FGGY: variants seen among roughly 807,000 people sequenced by gnomAD.
FGGY encodes FGGY carbohydrate kinase domain-containing protein.
A neutral mutation model predicts 71.3 loss-of-function variants in FGGY; 72 were observed. That is an observed-to-expected ratio of 1.01 (90% CI 0.84 to 1.23). The LOEUF is 1.23. FGGY is among the 50% of genes most tolerant of loss of function. The pLI is 0.00. For synonymous variants in FGGY, 251 were observed against 250.3 expected (o/e 1.00, Z -0.02); for missense variants, 668 against 682.3 (o/e 0.98, Z 0.23).
At chr1:59,461,896 T>C (rs2092260867) in intron 6 of FGGY, among the ~76,000 whole-genome samples, 1 of 152,112 alleles carries the variant, frequency 6.6e-6, no homozygotes, top group African/African-American at 2.4e-5. Flanking sequence ...TACATATGTA[T>C]ACATGTGCCA....
chr1:59,582,074 C>A (rs1478998678), intron 8 of FGGY, among the ~76,000 whole-genome samples: 1 of 149,408 alleles, frequency 6.7e-6, no homozygotes, highest in Non-Finnish European at 1.5e-5. Context: ...CATAGTGAGA[C>A]CCTTCTCTCT....
chr1:59,636,325 T>TAA (rs1283428047), intron 10 of FGGY, among the ~76,000 whole-genome samples: 1 of 152,112 alleles, frequency 6.6e-6, no homozygotes, highest in Non-Finnish European at 1.5e-5. Flanking sequence ...TTTTGTTTAA[T>TAA]AAAGGAGTTC....
intron 5 of FGGY, among the ~76,000 whole-genome samples, chr1:59,433,791 G>C (rs534777214): frequency 5.3e-5 from 8 of 152,254 alleles, no homozygotes; most frequent in Non-Finnish European, 1.2e-4. Flanking sequence ...AGCCAGTGTA[G>C]GTTACGTTAC....
intron 11 of FGGY, among the ~76,000 whole-genome samples, chr1:59,649,915 A>T (rs1337360126): frequency 7.0e-6 from 1 of 143,230 alleles, no homozygotes; most frequent in Non-Finnish European, 1.5e-5. Flanking sequence ...ATTATTTTGA[A>T]ATACGTCCCA....
chr1:59,682,085 A>T (rs1034098881), intron 14 of FGGY, among the ~76,000 whole-genome samples: 25 of 152,214 alleles, frequency 1.6e-4, no homozygotes, highest in African/African-American at 6.0e-4. Context: ...AAGTTACACC[A>T]TATGAAAAAT....
chr1:59,448,082 GT>G (rs796145771), intron 5 of FGGY, among the ~76,000 whole-genome samples: 55 of 152,136 alleles, frequency 3.6e-4, no homozygotes, highest in African/African-American at 1.3e-3. Flanking sequence ...TTGCTTCTGG[GT>G]TTTTCCTGCT....
At chr1:59,641,242 T>C in intron 11 of FGGY, 1 of 1,547,022 alleles carries the variant, frequency 6.5e-7, no homozygotes, top group South Asian at 1.2e-5. Flanking sequence ...GCATTTTATC[T>C]TAATAATAAA....
At chr1:59,718,147 TA>T (rs1266066326) in intron 14 of FGGY, among the ~76,000 whole-genome samples, 2 of 152,158 alleles carry the variant, frequency 1.3e-5, no homozygotes, top group Non-Finnish European at 2.9e-5. Context: ...TCCAAGACCA[TA>T]AGGGATTTGA....
At chr1:59,607,054 T>C (rs562539503) in intron 8 of FGGY, among the ~76,000 whole-genome samples, 2 of 152,332 alleles carry the variant, frequency 1.3e-5, no homozygotes, top group South Asian at 2.1e-4. Context: ...CCCCAAATGC[T>C]AAGTTACAGA....
chr1:59,708,399 T>C (rs150770739), intron 14 of FGGY, among the ~76,000 whole-genome samples: 98 of 152,304 alleles, frequency 6.4e-4, no homozygotes, highest in African/African-American at 2.1e-3. Context: ...GGGCTGCCTT[T>C]TGAACAATGA....
At chr1:59,428,619 C>T (rs996994003) in intron 5 of FGGY, among the ~76,000 whole-genome samples, 6 of 152,216 alleles carry the variant, frequency 3.9e-5, no homozygotes, top group African/African-American at 1.4e-4. Flanking sequence ...CTAACTCTGT[C>T]AGTCTCAGTT....
chr1:59,317,833 C>A (rs1266325501), intron 1 of FGGY, among the ~76,000 whole-genome samples: 1 of 152,278 alleles, frequency 6.6e-6, no homozygotes, highest in East Asian at 1.9e-4. Flanking sequence ...GTGTGAATGA[C>A]GCTGGGATGG....
chr1:59,665,033 C>T (rs2097311017), intron 12 of FGGY, among the ~76,000 whole-genome samples: 2 of 152,118 alleles, frequency 1.3e-5, no homozygotes, highest in East Asian at 1.9e-4. Flanking sequence ...GAATTCAAAA[C>T]TCATGCTCTT....
intron 1 of FGGY, 142 bp from the exon 2 acceptor site, chr1:59,321,394 A>G (rs1044646989): frequency 4.2e-6 from 3 of 712,118 alleles, no homozygotes; most frequent in Non-Finnish European, 7.1e-6. Flanking sequence ...GTTATCACTA[A>G]AAATGTTTGT....
In FGGY at chr1:59,554,194, T is replaced by C. The variant is rs1227690311; in HGVS notation, c.870T>C (p.Ala290=). 1.2e-6 allele frequency: 2 copies of C among 1,613,550 alleles called. No individual in the cohort carries two copies. The highest frequency in any genetic ancestry group is 4.5e-5 in the East Asian group (2 of 44,872). The part of the protein sequence containing the change: ...CEGQPVTSRL[A]VICGTSSCHM... ...GGCAGCCAGTGACGTCACGGCTGGC[T>C]GTCATCTGTGGAACGTCTTCTTGTC... is the stretch of plus-strand genomic sequence containing the variant. Residue 290 remains alanine (A), a synonymous_variant, in exon 8 of 16, where the codon GCT becomes GCC. Transcript: ENST00000303721.
In FGGY at chr1:59,613,009, G is replaced by A. The variant is rs543596391; in HGVS notation, c.1011+5099G>A. 8.5e-5 allele frequency among the ~76,000 whole-genome samples: 13 copies of A among 152,294 alleles called. No homozygotes were observed. The East Asian group carries it at 2.3e-3, about 27-fold the overall frequency. On this transcript the variant is annotated intron_variant, in intron 9 of 15. Transcript: ENST00000303721. ...CAGATTCATAAAGCAAGTCCTTAGA[G>A]AACTACAAAGAGACTTAGACTCCCA...
chr1:59,399,132 A>T (rs1472758200), intron 5 of FGGY, among the ~76,000 whole-genome samples: 1 of 152,206 alleles, frequency 6.6e-6, no homozygotes, highest in Admixed American at 6.5e-5. Context: ...CCTATTTTAT[A>T]GAGTTATTGT....
chr1:59,654,427 C>A (rs558032591), intron 11 of FGGY, among the ~76,000 whole-genome samples: 2 of 152,292 alleles, frequency 1.3e-5, no homozygotes, highest in East Asian at 1.9e-4. Context: ...TTCCCCTGAG[C>A]CTTGGATACC....
At chr1:59,553,052 C>T (rs566561851) in intron 7 of FGGY, among the ~76,000 whole-genome samples, 5 of 152,230 alleles carry the variant, frequency 3.3e-5, no homozygotes, top group South Asian at 2.1e-4. Flanking sequence ...AATTAGGAGT[C>T]GGCCTGACAG....
Sources: allele counts gnomAD v4.1 joint callset (sites outside exome capture counted in the v4.1 genomes callset), GRCh38; gene constraint gnomAD v4.1.1; transcripts MANE v1.5; gene names NCBI Gene and HGNC (gene_info 2026-07-23, HGNC 2026-07-21).